The following CRIM1 variants were observed in gnomAD, a reference collection of about 807,000 sequenced individuals.
CRIM1 encodes cysteine rich transmembrane BMP regulator 1, also known as cysteine-rich motor neuron 1 protein.
A neutral mutation model predicts 116.4 loss-of-function variants in CRIM1; 32 were observed. The observed-to-expected ratio is 0.27, with a 90% CI of 0.21 to 0.37. The LOEUF is 0.37. Ranked by LOEUF, CRIM1 falls within the 10% of genes least tolerant of loss-of-function variation. The pLI is 1.00. For synonymous variants in CRIM1, 590 were observed against 509.2 expected, an observed-to-expected ratio of 1.16 and a Z score of -2.13; for missense variants, 1,331 against 1,354.8, an observed-to-expected ratio of 0.98 and a Z score of 0.28.
intron 5 of CRIM1, among the ~76,000 whole-genome samples, chr2:36,467,253 A>G (rs1678118836): frequency 6.6e-6 from 1 of 152,220 alleles, no homozygotes; most frequent in African/African-American, 2.4e-5. Context: ...GTCTATTGAT[A>G]TATCAGTCAT....
At position 36,442,641 on chromosome 2, in the gene CRIM1, G is replaced by C; in HGVS notation, c.775G>C (p.Glu259Gln). The change falls in exon 4 of 17, where the codon GAA becomes CAA. Residue 259 changes from glutamate to glutamine, a missense_variant. Around this residue, in one of 3 missense-constraint regions of CRIM1, gnomAD observed 690 missense variants for 676.0 expected, o/e 1.02. Transcript: ENST00000280527. ...TTTCGGCGTGGACTGCAGGACTGTG[G>C]AATGCCCTCCTGTTCAGCAGACCGC... ...PVFGVDCRTVECPPVQQTACP... is the reference protein window; with the variant it reads ...PVFGVDCRTVQCPPVQQTACP... 1 of 1,614,140 alleles carries C rather than the reference G, an allele frequency of 6.2e-7. No homozygotes were observed. The highest frequency in any genetic ancestry group is 8.5e-7 in the Non-Finnish European group (1 of 1,180,020).
At chr2:36,405,233 C>G (rs1230752046) in intron 2 of CRIM1, among the ~76,000 whole-genome samples, 1 of 152,142 alleles carries the variant, frequency 6.6e-6, no homozygotes, top group Non-Finnish European at 1.5e-5. Flanking sequence ...TAAATGTGAT[C>G]TGGTGGAGCT....
intron 4 of CRIM1, among the ~76,000 whole-genome samples, chr2:36,460,674 T>C (rs1677512528): frequency 6.6e-6 from 1 of 152,192 alleles, no homozygotes; most frequent in Non-Finnish European, 1.5e-5. Context: ...TCACTTTCTT[T>C]TGTGTTTTTG....
chr2:36,440,733 G>A (rs3770886), intron 2 of CRIM1, among the ~76,000 whole-genome samples: 28,366 of 152,140 alleles, frequency 0.19, 3,083 homozygotes, highest in East Asian at 0.55. Context: ...CTGCCACATC[G>A]TAAAGTCACA....
chr2:36,408,682 G>A (rs186031545), intron 2 of CRIM1, among the ~76,000 whole-genome samples: 40 of 152,282 alleles, frequency 2.6e-4, no homozygotes, highest in Admixed American at 2.2e-3. Context: ...AGCAGGAGCT[G>A]TCAGGCAATT....
At chr2:36,371,312 C>T (rs936373166) in intron 1 of CRIM1, among the ~76,000 whole-genome samples, 1 of 152,052 alleles carries the variant, frequency 6.6e-6, no homozygotes, top group Non-Finnish European at 1.5e-5. Context: ...TGTTATAGCA[C>T]TTTTCATACT....
chr2:36,522,337 C>G (rs777035495), intron 13 of CRIM1, 24 bp downstream of exon 13: 17 of 1,538,912 alleles, frequency 1.1e-5, no homozygotes, highest in Non-Finnish European at 1.3e-5. Context: ...AAAAAAAATC[C>G]CTCATCTCTA....
chr2:36,436,585 G>T (rs574922291), intron 2 of CRIM1, among the ~76,000 whole-genome samples: 1 of 152,256 alleles, frequency 6.6e-6, no homozygotes, highest in East Asian at 1.9e-4. Flanking sequence ...GGAGGTATAG[G>T]TAATCAGAAT....
At chr2:36,357,639 G>C (rs1431502833) in intron 1 of CRIM1, among the ~76,000 whole-genome samples, 1 of 152,186 alleles carries the variant, frequency 6.6e-6, no homozygotes, top group African/African-American at 2.4e-5. Flanking sequence ...GCACGGTTCG[G>C]TAAGCATCAG....
chr2:36,440,803 A>G (rs1039752275), intron 2 of CRIM1, among the ~76,000 whole-genome samples: 1 of 152,150 alleles, frequency 6.6e-6, no homozygotes, highest in Non-Finnish European at 1.5e-5. Flanking sequence ...CTCCATGTTG[A>G]TTGTCGTACA....
intron 5 of CRIM1, among the ~76,000 whole-genome samples, chr2:36,467,370 ACATTCATACT>A (rs1431497891): frequency 1.3e-5 from 2 of 152,254 alleles, no homozygotes; most frequent in Admixed American, 1.3e-4. Context: ...TTTGATATAT[ACATTCATACT>A]CATACACACA....
At chr2:36,474,099 A>G (rs1678765188) in intron 5 of CRIM1, among the ~76,000 whole-genome samples, 1 of 152,148 alleles carries the variant, frequency 6.6e-6, no homozygotes, top group Non-Finnish European at 1.5e-5. Flanking sequence ...GTGACTAATG[A>G]TTCGAGCATC....
chr2:36,534,952 T>G (rs1042913130), intron 13 of CRIM1, among the ~76,000 whole-genome samples: 3 of 152,180 alleles, frequency 2.0e-5, no homozygotes, highest in Non-Finnish European at 4.4e-5. Flanking sequence ...TATCAAACAT[T>G]GCTTCTTTTC....
At position 36,537,362 on chromosome 2, in the gene CRIM1, T is replaced by A. The variant is rs1371122502; in HGVS notation, c.2439T>A (p.Ile813=). The A allele has an allele frequency of 6.2e-7, 1 of 1,614,198 alleles. No homozygotes were observed. The highest frequency in any genetic ancestry group is 8.5e-7 in the Non-Finnish European group (1 of 1,180,028). ...QCCPYCIEDT[I]PKKVVCHFSG... ...TGTTCTTTTCACTAGAAGACACAATTCCAAAGAAGGTGGTGTGCCACTTCA... is the reference window on the plus strand; with the variant it reads ...TGTTCTTTTCACTAGAAGACACAATACCAAAGAAGGTGGTGTGCCACTTCA... The change falls in exon 14 of 17, where the codon ATT becomes ATA. Residue 813 remains isoleucine (I), a synonymous_variant. Coordinates refer to ENST00000280527, the MANE Select transcript of CRIM1 (RefSeq NM_016441.3).
intron 2 of CRIM1, among the ~76,000 whole-genome samples, chr2:36,427,149 C>T (rs867280837): frequency 6.6e-6 from 1 of 150,778 alleles, no homozygotes; most frequent in Non-Finnish European, 1.5e-5. Flanking sequence ...TGCAGTGAGC[C>T]GAGATCGCAC....
intron 1 of CRIM1, among the ~76,000 whole-genome samples, chr2:36,374,489 C>G (rs1670168705): frequency 6.6e-6 from 1 of 152,194 alleles, no homozygotes; most frequent in African/African-American, 2.4e-5. Flanking sequence ...ACTCTGTAGA[C>G]ATCCTTCCCC....
rs773425465 is a variant in CRIM1 at position 36,531,976 on chromosome 2, G to A, written c.2429-5376G>A. The stretch of plus-strand genomic sequence containing the variant: ...GCTCCAGGTCCCTGACGTAGTTGAC[G>A]GTGATGGCAGAAGTAAATCTTTGTA... On this transcript the variant is annotated intron_variant, in intron 13 of 16. Coordinates refer to ENST00000280527, the MANE Select transcript of CRIM1 (RefSeq NM_016441.3). The A allele has an allele frequency of 4.2e-5, 20 of 470,810 alleles. No homozygotes were observed. The East Asian group carries it at 1.0e-3, about 24-fold the overall frequency. The allele number at this position is 470,810 out of a possible 1,614,324, so 29.2% of individuals were successfully genotyped here.
chr2:36,482,675 C>CA (rs1679509901), intron 7 of CRIM1, among the ~76,000 whole-genome samples: 1 of 152,310 alleles, frequency 6.6e-6, no homozygotes, highest in South Asian at 2.1e-4. Context: ...AGTTTATACA[C>CA]ACAATAAATT....
At chr2:36,504,724 C>T (rs554994875) in intron 8 of CRIM1, among the ~76,000 whole-genome samples, 1 of 152,148 alleles carries the variant, frequency 6.6e-6, no homozygotes, top group Non-Finnish European at 1.5e-5. Flanking sequence ...TTTGTAGATA[C>T]AAGCTTTTAA....
Sources: gnomAD v4.1 joint callset for allele counts (sites outside exome capture counted in the v4.1 genomes callset) on GRCh38, gnomAD v4.1.1 for gene constraint, gnomAD v4.1.1 regional missense constraint, MANE v1.5 for transcripts, NCBI Gene and HGNC (gene_info 2026-07-23, HGNC 2026-07-21) for gene names.